Variants in DHX57 observed in about 807,000 individuals in gnomAD.
DHX57 encodes the protein putative ATP-dependent RNA helicase DHX57.
Under a neutral mutation model 156.2 loss-of-function variants are expected in DHX57, and 105 were observed. That is an observed-to-expected ratio of 0.67 (90% CI 0.57 to 0.79). The LOEUF (loss-of-function observed/expected upper bound fraction) is 0.79, where lower values mean the gene tolerates loss of function less well. Among genes scored for constraint, DHX57 ranks in the 30% least tolerant of loss-of-function variants. The pLI, the probability that DHX57 is intolerant of heterozygous loss-of-function variation, is 0.00. For missense variants in DHX57, 1,847 were observed against 1,661.9 expected, an observed-to-expected ratio of 1.11 and a Z score of -1.94; for synonymous variants, 704 against 595.6, an observed-to-expected ratio of 1.18 and a Z score of -2.65.
chr2:38,855,310 G>T (rs1221252546), intron 7 of DHX57, 58 bp from the exon 8 acceptor site: 2 of 1,522,918 alleles, frequency 1.3e-6, no homozygotes, highest in South Asian at 2.2e-5. Flanking sequence ...GTTAACTAAA[G>T]AAGCAATCAT....
At chr2:38,859,616 T>C (rs1299393550) in intron 5 of DHX57, among the ~76,000 whole-genome samples, 2 of 152,148 alleles carry the variant, frequency 1.3e-5, no homozygotes, top group African/African-American at 2.4e-5. Context: ...AGGAACACAT[T>C]TGAATCCCAT....
chr2:38,822,998 G>A lies in DHX57; in HGVS notation c.3286C>T (p.Pro1096Ser). The A allele has an allele frequency of 6.2e-7, 1 of 1,613,846 alleles. No individual in the cohort carries two copies. Among genetic ancestry groups the A allele is most frequent in the Non-Finnish European group, 8.5e-7 (1 of 1,179,868 alleles). ...TIAASLAFKSPFVSPWDKKEE... is the reference protein window; with the variant it reads ...TIAASLAFKSSFVSPWDKKEE... ...GATGAATGTTGTTTACTTACAAACGGAGACTTAAAAGCCAAACTGGCAGCA... is the reference window on the plus strand; with the variant it reads ...GATGAATGTTGTTTACTTACAAACGAAGACTTAAAAGCCAAACTGGCAGCA... The change falls in exon 17 of 24, where the codon CCG becomes TCG. Residue 1096 changes from proline (P) to serine (S), a missense_variant. Pro to Ser is a moderately conservative substitution (Grantham distance 74). Transcript: ENST00000457308.
At chr2:38,818,814 G>A (rs1033833582) in intron 19 of DHX57, 63 bp downstream of exon 19, 25 of 1,558,672 alleles carry the variant, frequency 1.6e-5, no homozygotes, top group African/African-American at 8.2e-5. Context: ...AGACAAAGTC[G>A]CAGCACCCTC....
At chr2:38,870,828 G>A (rs776040996) in intron 1 of DHX57, among the ~76,000 whole-genome samples, 3 of 151,746 alleles carry the variant, frequency 2.0e-5, no homozygotes, top group Admixed American at 1.3e-4. Flanking sequence ...GCAGTGAGCC[G>A]AGATTGCGCC....
chr2:38,837,185 G>T (rs1335620851), intron 13 of DHX57, among the ~76,000 whole-genome samples: 1 of 152,120 alleles, frequency 6.6e-6, no homozygotes, highest in Non-Finnish European at 1.5e-5. Flanking sequence ...AGTATTAGGG[G>T]TAGTATCTAC....
At chr2:38,802,560 T>C (rs1308291026) in intron 23 of DHX57, among the ~76,000 whole-genome samples, 155 bp downstream of exon 23, 3 of 152,146 alleles carry the variant, frequency 2.0e-5, no homozygotes, top group African/African-American at 7.2e-5. Context: ...AGTGCTGGGA[T>C]TATAGGTGTG....
chr2:38,868,905 A>G (rs1018152858), intron 1 of DHX57, among the ~76,000 whole-genome samples: 2 of 152,082 alleles, frequency 1.3e-5, no homozygotes, highest in African/African-American at 4.8e-5. Context: ...GGGTTCAAGC[A>G]ATTCTCCTAC....
intron 22 of DHX57, among the ~76,000 whole-genome samples, chr2:38,805,147 C>T (rs1029012918): frequency 6.6e-6 from 1 of 152,072 alleles, no homozygotes; most frequent in Non-Finnish European, 1.5e-5. Flanking sequence ...ACAACAACAA[C>T]AAAAAGTATA....
In DHX57 at chr2:38,826,579, T is replaced by C. The variant is rs773044904; in HGVS notation, c.2750A>G (p.Glu917Gly). ...TKIIISTNIA[E>G]TSITIDDVVY... ...AACATCATCGATGGTTATGGATGTC[T>C]CAGCAATGTTGGTGGAAATTATAAT... The change falls in exon 15 of 24, where the codon GAG becomes GGG. Residue 917 changes from glutamate to glycine, a missense_variant. Physicochemically the swap from Glu to Gly is moderately conservative, Grantham distance 98. Transcript: ENST00000457308. 1.2e-6 allele frequency: 2 copies of C among 1,614,170 alleles called. No individual in the cohort carries two copies. Among genetic ancestry groups the C allele is most frequent in the South Asian group, 2.2e-5 (2 of 91,084 alleles).
chr2:38,870,496 AG>A (rs1015332678), intron 1 of DHX57, among the ~76,000 whole-genome samples: 3 of 152,244 alleles, frequency 2.0e-5, no homozygotes, highest in African/African-American at 7.2e-5. Flanking sequence ...TATCACTTAC[AG>A]GGGGGAACCC....
intron 10 of DHX57, among the ~76,000 whole-genome samples, chr2:38,847,898 A>G (rs1419910225): frequency 6.6e-6 from 1 of 152,156 alleles, no homozygotes; most frequent in East Asian, 1.9e-4. Context: ...CCTGGCTAAC[A>G]CAGTGAAACC....
chr2:38,869,165 AT>A (rs1665234875), intron 1 of DHX57, among the ~76,000 whole-genome samples: 1 of 152,194 alleles, frequency 6.6e-6, no homozygotes, highest in South Asian at 2.1e-4. Flanking sequence ...TTTTGACAAA[AT>A]TTAAATTTAT....
chr2:38,869,380 T>A (rs1183301056), intron 1 of DHX57, among the ~76,000 whole-genome samples: 1 of 152,204 alleles, frequency 6.6e-6, no homozygotes, highest in African/African-American at 2.4e-5. Context: ...AATGAAGATG[T>A]AGTTTAGACT....
intron 22 of DHX57, among the ~76,000 whole-genome samples, chr2:38,806,005 TAG>T (rs1052912015): frequency 3.3e-5 from 5 of 151,120 alleles, no homozygotes; most frequent in African/African-American, 7.3e-5. Flanking sequence ...AGGGGATGAA[TAG>T]AGAGAGAGAA....
In DHX57 at chr2:38,823,057, G is replaced by C. The variant is rs1308569448; in HGVS notation, c.3227C>G (p.Ser1076Cys). 2 of 1,614,030 alleles carry C rather than the reference G, an allele frequency of 1.2e-6. No individual in the cohort carries two copies. Among genetic ancestry groups the C allele is most frequent in the South Asian group, 1.1e-5 (1 of 91,086 alleles). ...VRIGKLMLFG[S>C]IFRCLDPALT... ...AGCAGGATCCAAACAGCGGAAGATA[G>C]ACCCAAACAACATTAGTTTGCCAAT... The change falls in exon 17 of 24, where the codon TCT becomes TGT. Residue 1076 changes from serine (S) to cysteine (C), a missense_variant. Coordinates refer to ENST00000457308, the MANE Select transcript of DHX57 (RefSeq NM_198963.3).
intron 14 of DHX57, among the ~76,000 whole-genome samples, chr2:38,827,146 A>G (rs1031753060): frequency 1.3e-5 from 2 of 151,628 alleles, no homozygotes; most frequent in African/African-American, 4.8e-5. Context: ...AATAAAATAA[A>G]ATAAAATAAA....
intron 21 of DHX57, chr2:38,810,812 T>C: frequency 1.3e-6 from 1 of 744,516 alleles, no homozygotes; most frequent in East Asian, 2.7e-5. Flanking sequence ...TGGTAAAGGA[T>C]GGTGCCTGCT....
Position 38,825,948 on chromosome 2 carries a change from C to A in DHX57, c.2913G>T (p.Gly971=), listed in dbSNP as rs749569107. 10 of 1,614,120 alleles carry A rather than the reference C, an allele frequency of 6.2e-6. No homozygotes were observed. The highest frequency in any genetic ancestry group is 8.5e-6 in the Non-Finnish European group (10 of 1,180,012). ...GGCTAGTGAATAAATGGAAGCAGAC[C>A]CCAGATGCAACACGGCCTGCTCGGC... ...RKGRAGRVAS[G]VCFHLFTSHH... Residue 971 remains glycine (G), a synonymous_variant, in exon 16 of 24, where the codon GGG becomes GGT. Transcript: ENST00000457308.
intron 21 of DHX57, among the ~76,000 whole-genome samples, chr2:38,807,260 G>A (rs1324189034): frequency 2.0e-5 from 3 of 151,990 alleles, no homozygotes; most frequent in Non-Finnish European, 4.4e-5. Context: ...TCACCATGTT[G>A]GCAAGGCTGG....
Sources: allele counts gnomAD v4.1 joint callset (sites outside exome capture counted in the v4.1 genomes callset), GRCh38; gene constraint gnomAD v4.1.1; transcripts MANE v1.5; gene names NCBI Gene and HGNC (gene_info 2026-07-23, HGNC 2026-07-21).